TAF1L: variants seen among roughly 807,000 people sequenced by gnomAD.
The protein encoded by TAF1L is transcription initiation factor TFIID subunit 1-like.
A neutral mutation model predicts 128.8 loss-of-function variants in TAF1L; 30 were observed. The observed-to-expected ratio is 0.23, with a 90% CI of 0.17 to 0.32. The LOEUF (loss-of-function observed/expected upper bound fraction) is 0.32. Among genes scored for constraint, TAF1L ranks in the 10% least tolerant of loss-of-function variants. The probability of loss-of-function intolerance (pLI) is 1.00; values close to 1 mark genes in which losing one functional copy is unlikely to be tolerated. For synonymous variants in TAF1L, 764 were observed against 790.7 expected, an observed-to-expected ratio of 0.97 and a Z score of 0.57; for missense variants, 2,099 against 2,253.7, an observed-to-expected ratio of 0.93 and a Z score of 1.39.
In TAF1L at chr9:32,634,538, C is replaced by T; in HGVS notation, c.1042G>A (p.Asp348Asn). ...SKFSQSTGDVDKVTDTKPRVA... is the reference protein window; with the variant it reads ...SKFSQSTGDVNKVTDTKPRVA... Reference sequence around the variant, plus strand: ...CTTGGTTTGGTATCTGTCACTTTATCTACATCTCCAGTTGATTGGGAAAAT... The same window carrying T: ...CTTGGTTTGGTATCTGTCACTTTATTTACATCTCCAGTTGATTGGGAAAAT... The change falls in exon 1 of 1, where the codon GAT (aspartate) becomes AAT (asparagine). Residue 348 changes from aspartate to asparagine, a missense_variant. By Grantham distance (23) the Asp-to-Asn change is conservative. Around this residue, in one of 4 missense-constraint regions of TAF1L, gnomAD observed 473 missense variants for 429.6 expected, o/e 1.10. Coordinates refer to ENST00000242310, the MANE Select transcript of TAF1L (RefSeq NM_153809.2). The T allele has an allele frequency of 6.2e-7, 1 of 1,614,194 alleles. No individual in the cohort carries two copies. Among genetic ancestry groups the T allele is most frequent in the Middle Eastern group, 1.6e-4 (1 of 6,062 alleles).
chr9:32,633,976 T>A lies in TAF1L; in HGVS notation c.1604A>T (p.Glu535Val). 6.2e-7 allele frequency: 1 copy of A among 1,614,160 alleles called. No homozygotes were observed. Among genetic ancestry groups the A allele is most frequent in the Non-Finnish European group, 8.5e-7 (1 of 1,180,030 alleles). ...GGAGTTAGAGGTGGCCTCTTCCTTC[T>A]CATCAGGAATTTCCAAAATGAGGTT... ...DENLILEIPD[E>V]KEEATSNSPS... Residue 535 changes from glutamate (E) to valine (V), a missense_variant, in exon 1 of 1, where the codon GAG becomes GTG. Around this residue, in one of 4 missense-constraint regions of TAF1L, gnomAD observed 1,213 missense variants for 1,391.4 expected, o/e 0.87. Coordinates refer to ENST00000242310, the MANE Select transcript of TAF1L (RefSeq NM_153809.2).
At position 32,629,569 on chromosome 9, in the gene TAF1L, G is replaced by A. The variant is rs1029324069; in HGVS notation, c.*530C>T. 2.4e-5 allele frequency: 4 copies of A among 168,574 alleles called. No individual in the cohort carries two copies. Among genetic ancestry groups the A allele is most frequent in the Admixed American group, 5.5e-5 (1 of 18,142 alleles). 10.4% of individuals were successfully genotyped at this position (168,574 alleles called of 1,614,324 possible). A position where few individuals can be genotyped will look rare whatever the true frequency, so the allele number is the denominator to read the frequency against. On this transcript the variant is annotated 3_prime_UTR_variant, in exon 1 of 1. Coordinates refer to ENST00000242310, the MANE Select transcript of TAF1L (RefSeq NM_153809.2). Reference sequence around the variant, plus strand: ...GTCACATAGGTTTAAGTGTAGCAGAGTCCACTAGAACCCAATTCTCTGTCC... The same window carrying A: ...GTCACATAGGTTTAAGTGTAGCAGAATCCACTAGAACCCAATTCTCTGTCC...
In TAF1L at chr9:32,632,842, G is replaced by C. The variant is rs1433977845; in HGVS notation, c.2738C>G (p.Ala913Gly). Residue 913 changes from alanine (A) to glycine (G), a missense_variant, in exon 1 of 1, where the codon GCA becomes GGA. Ala to Gly is a moderately conservative substitution (Grantham distance 60). Around this residue, in one of 4 missense-constraint regions of TAF1L, gnomAD observed 1,213 missense variants for 1,391.4 expected, o/e 0.87. Coordinates refer to ENST00000242310, the MANE Select transcript of TAF1L (RefSeq NM_153809.2). This position sits in a 1 kb window ranked among gnomAD's most constrained non-coding sequence, Gnocchi z 4.4. The stretch of plus-strand genomic sequence containing the variant: ...GCCAGCATCCTTCAGTCGTTGCTTT[G>C]CAGCTATCATGCTATAATAAGCACA... ...QCCAYYSMIA[A>G]KQRLKDAGYG... The C allele has an allele frequency of 6.2e-7, 1 of 1,614,188 alleles. No individual in the cohort carries two copies. Among genetic ancestry groups the C allele is most frequent in the Admixed American group, 1.7e-5 (1 of 60,022 alleles).
Position 32,635,138 on chromosome 9 carries a change from C to T in TAF1L, c.442G>A (p.Glu148Lys). Residue 148 changes from glutamate (E) to lysine (K), a missense_variant, in exon 1 of 1, where the codon GAA becomes AAA. Physicochemically the swap from Glu to Lys is moderately conservative, Grantham distance 56. Transcript: ENST00000242310. Reference sequence around the variant, plus strand: ...GGCATCAACTTGCAATCAATGTCTTCACAATCAGCATCATAGTCATCTTCA... The same window carrying T: ...GGCATCAACTTGCAATCAATGTCTTTACAATCAGCATCATAGTCATCTTCA... ...YDEDDYDADC[E>K]DIDCKLMPPP... 6.2e-7 allele frequency: 1 copy of T among 1,614,168 alleles called. No individual in the cohort carries two copies. The highest frequency in any genetic ancestry group is 8.5e-7 in the Non-Finnish European group (1 of 1,180,026).
chr9:32,633,557 C>G lies in TAF1L; in HGVS notation c.2023G>C (p.Ala675Pro), dbSNP rs138065433. 2.0e-5 allele frequency: 32 copies of G among 1,614,098 alleles called. No individual in the cohort carries two copies. The highest frequency in any genetic ancestry group is 2.7e-5 in the African/African-American group (2 of 74,916). Residue 675 changes from alanine (A) to proline (P), a missense_variant, in exon 1 of 1, where the codon GCC (alanine) becomes CCC (proline). Transcript: ENST00000242310. ...KAKMREQERQ[A>P]SGGGELFFMR... ...AAAAACAACTCTCCACCACCTGAGG[C>G]TTGCCTCTCTTGTTCTCTCATCTTG...
Position 32,633,594 on chromosome 9 carries a change from G to T in TAF1L, c.1986C>A (p.Ile662=), listed in dbSNP as rs779348251. The T allele has an allele frequency of 2.5e-6, 4 of 1,613,434 alleles. No individual in the cohort carries two copies. The highest frequency in any genetic ancestry group is 2.7e-5 in the African/African-American group (2 of 74,750). The change falls in exon 1 of 1, where the codon ATC becomes ATA. Residue 662 remains isoleucine (I), a synonymous_variant. Coordinates refer to ENST00000242310, the MANE Select transcript of TAF1L (RefSeq NM_153809.2). ...PHSVQPLLKH[I]KKKAKMREQE... is the part of the protein sequence containing the mutation. ...GTTCTCTCATCTTGGCCTTTTTTTT[G>T]ATGTGCTTTAGCAAAGGTTGGACTG...
Position 32,633,681 on chromosome 9 carries a change from C to T in TAF1L, c.1899G>A (p.Gln633=). The change falls in exon 1 of 1, where the codon CAG becomes CAA. Residue 633 remains glutamine, a synonymous_variant. Coordinates refer to ENST00000242310, the MANE Select transcript of TAF1L (RefSeq NM_153809.2). ...PTHMGPIKIR[Q]FHRPPLKKYS... The stretch of plus-strand genomic sequence containing the variant: ...ACTTTTTCAGAGGTGGGCGATGGAA[C>T]TGCCGGATTTTGATGGGCCCCATGT... 1 of 1,614,166 alleles carries T rather than the reference C, an allele frequency of 6.2e-7. No individual in the cohort carries two copies. Among genetic ancestry groups the T allele is most frequent in the Non-Finnish European group, 8.5e-7 (1 of 1,180,034 alleles).
rs763551221 is a variant in TAF1L at position 32,630,763 on chromosome 9, C to T, written c.4817G>A (p.Ser1606Asn). 9 of 1,614,066 alleles carry T rather than the reference C, an allele frequency of 5.6e-6. No homozygotes were observed. Among genetic ancestry groups the T allele is most frequent in the Non-Finnish European group, 5.9e-6 (7 of 1,180,042 alleles). The part of the protein sequence containing the change: ...ANSVKYNGPE[S>N]QYTKTAQEIV... ...CTCCTGAGCAGTCTTAGTGTACTGA[C>T]TCTCAGGTCCATTATACTTAACACT... The change falls in exon 1 of 1, where the codon AGT becomes AAT. Residue 1606 changes from serine (S) to asparagine (N), a missense_variant. Coordinates refer to ENST00000242310, the MANE Select transcript of TAF1L (RefSeq NM_153809.2).
At position 32,631,528 on chromosome 9, in the gene TAF1L, T is replaced by G; in HGVS notation, c.4052A>C (p.Asn1351Thr). ...AGATTTTCTGCGAACCTCATGCACATTCTCAATTAGCTGTTTCCCGAAGAC... is the reference window on the plus strand; with the variant it reads ...AGATTTTCTGCGAACCTCATGCACAGTCTCAATTAGCTGTTTCCCGAAGAC... Reference protein sequence around the residue: ...KIVFGKQLIENVHEVRRKSLV... With the variant: ...KIVFGKQLIETVHEVRRKSLV... Residue 1351 changes from asparagine to threonine, a missense_variant, in exon 1 of 1, where the codon AAT becomes ACT. Asn to Thr is a moderately conservative substitution (Grantham distance 65). Transcript: ENST00000242310. This position sits in a 1 kb window ranked among gnomAD's most constrained non-coding sequence, Gnocchi z 4.1. 6.2e-7 allele frequency: 1 copy of G among 1,614,018 alleles called. No individual in the cohort carries two copies. The highest frequency in any genetic ancestry group is 8.5e-7 in the Non-Finnish European group (1 of 1,180,000).
rs765120605 is a variant in TAF1L at position 32,634,632 on chromosome 9, A to G, written c.948T>C (p.Ala316=). The G allele has an allele frequency of 6.2e-7, 1 of 1,614,130 alleles. No individual in the cohort carries two copies. The highest frequency in any genetic ancestry group is 1.1e-5 in the South Asian group (1 of 91,076). The change falls in exon 1 of 1, where the codon GCT becomes GCC. Residue 316 remains alanine, a synonymous_variant. Transcript: ENST00000242310. ...GACACTGCTCTGGGGGTGGTGGTGG[A>G]GCATAGTCATAGTTCCACAAAGACT... ...SQKSLWNYDY[A]PPPPPEQCLA...
rs983895495 is a variant in TAF1L at position 32,635,335 on chromosome 9, G to T, written c.245C>A (p.Ala82Glu). 5.0e-6 allele frequency: 8 copies of T among 1,613,950 alleles called. No individual in the cohort carries two copies. The African/African-American group carries it at 9.4e-5, about 19-fold the overall frequency. The change falls in exon 1 of 1, where the codon GCA becomes GAA. Residue 82 changes from alanine to glutamate, a missense_variant. By Grantham distance (107) the Ala-to-Glu change is moderately radical. This residue lies in a region of TAF1L where 473 missense variants were observed against 429.6 expected (regional missense o/e 1.10). Coordinates refer to ENST00000242310, the MANE Select transcript of TAF1L (RefSeq NM_153809.2). ...GCCAGTCCCAGTCAATTCTTCATTT[G>T]CCGTGAGTTCAGTGATTAGGCTGCC... Reference protein sequence around the residue: ...GLGSLITELTANEELTGTGGA... With the variant: ...GLGSLITELTENEELTGTGGA...
Position 32,632,042 on chromosome 9 carries a change from T to C in TAF1L, c.3538A>G (p.Thr1180Ala). 3 of 1,614,234 alleles carry C rather than the reference T, an allele frequency of 1.9e-6. No individual in the cohort carries two copies. The highest frequency in any genetic ancestry group is 2.5e-6 in the Non-Finnish European group (3 of 1,180,048). ...ASMTSLKSSA[T>A]GHCLKIYRTF... ...CGATAAATCTTGAGACAGTGTCCAG[T>C]GGCAGAAGACTTAAGGCTAGTCATG... is the stretch of plus-strand genomic sequence containing the variant. The change falls in exon 1 of 1, where the codon ACT (threonine) becomes GCT (alanine). Residue 1180 changes from threonine (T) to alanine (A), a missense_variant. Transcript: ENST00000242310. The surrounding 1 kb of genome is among the most constrained non-coding windows in gnomAD (Gnocchi z 4.4).
Position 32,630,594 on chromosome 9 carries a change from T to G in TAF1L, c.4986A>C (p.Thr1662=). 6.2e-7 allele frequency: 1 copy of G among 1,614,168 alleles called. No homozygotes were observed. The highest frequency in any genetic ancestry group is 8.5e-7 in the Non-Finnish European group (1 of 1,180,034). The change falls in exon 1 of 1, where the codon ACA becomes ACC. Residue 1662 remains threonine, a synonymous_variant. Transcript: ENST00000242310. The stretch of plus-strand genomic sequence containing the variant: ...TATCATACATATCAGGAGGCTGAGA[T>G]GTGTAGGGCCCTGGGGTCATTGGGT... ...SLDPMTPGPY[T]SQPPDMYDTN... is the part of the protein sequence containing the mutation.
At position 32,631,265 on chromosome 9, in the gene TAF1L, T is replaced by C; in HGVS notation, c.4315A>G (p.Ile1439Val). 6.2e-7 allele frequency: 1 copy of C among 1,614,128 alleles called. No homozygotes were observed. The highest frequency in any genetic ancestry group is 1.3e-5 in the African/African-American group (1 of 75,018). Residue 1439 changes from isoleucine to valine, a missense_variant, in exon 1 of 1, where the codon ATC becomes GTC. Physicochemically the swap from Ile to Val is conservative, Grantham distance 29. Around this residue, in one of 4 missense-constraint regions of TAF1L, gnomAD observed 1,213 missense variants for 1,391.4 expected, o/e 0.87. Coordinates refer to ENST00000242310, the MANE Select transcript of TAF1L (RefSeq NM_153809.2). This position sits in a 1 kb window ranked among gnomAD's most constrained non-coding sequence, Gnocchi z 4.1. ...TGTAGGTCCATTGGCCGAGTGATGA[T>C]TTTGTAGTAGTCCTTTACAACCTTT... ...NAKVVKDYYK[I>V]ITRPMDLQTL...
At position 32,630,087 on chromosome 9, in the gene TAF1L, A is replaced by T; in HGVS notation, c.*12T>A. ...CTCCCCACCGTCTCCCTCATGGGAC[A>T]TCATGCTTTCTTCATTTTCCGTGCC... On this transcript the variant is annotated 3_prime_UTR_variant, in exon 1 of 1. Coordinates refer to ENST00000242310, the MANE Select transcript of TAF1L (RefSeq NM_153809.2). 1 of 1,614,042 alleles carries T rather than the reference A, an allele frequency of 6.2e-7. No homozygotes were observed. Among genetic ancestry groups the T allele is most frequent in the South Asian group, 1.1e-5 (1 of 91,062 alleles).
Position 32,630,126 on chromosome 9 carries a change from T to C in TAF1L, c.5454A>G (p.Gly1818=). Residue 1818 remains glycine, a synonymous_variant, in exon 1 of 1, where the codon GGA becomes GGG. Coordinates refer to ENST00000242310, the MANE Select transcript of TAF1L (RefSeq NM_153809.2). ...KQPFMLQHAS[G]EHKDGHGK is the part of the protein sequence containing the mutation. ...ATTTTCCGTGCCCATCCTTGTGTTC[T>C]CCTGAAGCATGCTGAAGCATGAAGG... 1 of 1,614,204 alleles carries C rather than the reference T, an allele frequency of 6.2e-7. No homozygotes were observed. Among genetic ancestry groups the C allele is most frequent in the Non-Finnish European group, 8.5e-7 (1 of 1,180,036 alleles).
rs1427103021 is a variant in TAF1L, at chr9:32,630,778, T to C, written c.4802A>G (p.Tyr1601Cys). ...VNLILANSVK[Y>C]NGPESQYTKT... is the part of the protein sequence containing the mutation. ...AGTGTACTGACTCTCAGGTCCATTA[T>C]ACTTAACACTGTTGGCAAGAATAAG... The change falls in exon 1 of 1, where the codon TAT (tyrosine) becomes TGT (cysteine). Residue 1601 changes from tyrosine (Y) to cysteine (C), a missense_variant. Tyr to Cys is a radical substitution (Grantham distance 194). This residue lies in a region of TAF1L where 404 missense variants were observed against 406.5 expected (regional missense o/e 0.99). Coordinates refer to ENST00000242310, the MANE Select transcript of TAF1L (RefSeq NM_153809.2). The C allele has an allele frequency of 1.2e-6, 2 of 1,614,260 alleles. No individual in the cohort carries two copies. Among genetic ancestry groups the C allele is most frequent in the Non-Finnish European group, 8.5e-7 (1 of 1,180,048 alleles).
Position 32,630,396 on chromosome 9 carries a change from C to G in TAF1L, c.5184G>C (p.Glu1728Asp), listed in dbSNP as rs1055664019. 1.3e-5 allele frequency: 21 copies of G among 1,614,036 alleles called. No individual in the cohort carries two copies. The highest frequency in any genetic ancestry group is 1.5e-5 in the Non-Finnish European group (18 of 1,180,040). ...GGGCTGGAGGCTTAGGTTTCCCATCCTCCTCCTCATCATCATACCCTTCAA... is the reference window on the plus strand; with the variant it reads ...GGGCTGGAGGCTTAGGTTTCCCATCGTCCTCCTCATCATCATACCCTTCAA... ...VDVEGYDDEE[E>D]DGKPKPPAPE... is the part of the protein sequence containing the mutation. The change falls in exon 1 of 1, where the codon GAG becomes GAC. Residue 1728 changes from glutamate (E) to aspartate (D), a missense_variant. This residue lies in a region of TAF1L where 404 missense variants were observed against 406.5 expected (regional missense o/e 0.99). Transcript: ENST00000242310.
In TAF1L at chr9:32,633,421, T is replaced by C. The variant is rs970036988; in HGVS notation, c.2159A>G (p.Lys720Arg). Residue 720 changes from lysine to arginine, a missense_variant, in exon 1 of 1, where the codon AAG becomes AGG. Coordinates refer to ENST00000242310, the MANE Select transcript of TAF1L (RefSeq NM_153809.2). ...MMQVGMATKI[K>R]NYYKRKPGKD... ...GCCAGGTTTCCGTTTATAATAGTTC[T>C]TTATCTTGGTTGCCATGCCAACCTG... 2 of 1,614,186 alleles carry C rather than the reference T, an allele frequency of 1.2e-6. No individual in the cohort carries two copies. The highest frequency in any genetic ancestry group is 1.7e-6 in the Non-Finnish European group (2 of 1,180,038).
Sources: allele counts gnomAD v4.1 joint callset, GRCh38; gene constraint gnomAD v4.1.1; regional missense constraint gnomAD v4.1.1; non-coding constraint Gnocchi (gnomAD v3.1); transcripts MANE v1.5; gene names NCBI Gene and HGNC (gene_info 2026-07-23, HGNC 2026-07-21).